Variants in ZNF730 observed in about 807,000 individuals in gnomAD.
ZNF730 encodes zinc finger protein 730.
In ZNF730, 12 loss-of-function variants were observed where a neutral mutation model predicts 12.6. The observed-to-expected ratio is 0.95, with a 90% CI of 0.61 to 1.54. The LOEUF (loss-of-function observed/expected upper bound fraction) is 1.54. Among genes scored for constraint, ZNF730 ranks in the 40% most tolerant of loss-of-function variants. The pLI, the probability that ZNF730 is intolerant of heterozygous loss-of-function variation, is 0.00. For missense variants in ZNF730, 643 were observed against 583.5 expected (o/e 1.10, Z -1.05); for synonymous variants, 194 against 195.8 (o/e 0.99, Z 0.08).
At chr19:23,100,630 CTTTTTTTTTTTT>C (rs201462781) in intron 1 of ZNF730, among the ~76,000 whole-genome samples, 635 of 117,944 alleles carry the variant, frequency 5.4e-3, no homozygotes, top group Non-Finnish European at 7.9e-3. Context: ...GATGGTGATT[CTTTTTTTTTTTT>C]TTTTTTTTTT....
chr19:23,146,803 C>G lies in ZNF730; in HGVS notation c.*247C>G, dbSNP rs1331640975. 1.1e-6 allele frequency: 1 copy of G among 921,314 alleles called. No homozygotes were observed. The highest frequency in any genetic ancestry group is 1.6e-5 in the African/African-American group (1 of 61,660). The allele number at this position is 921,314 out of a possible 1,614,324, so 57.1% of individuals were successfully genotyped here. A position where few individuals can be genotyped will look rare whatever the true frequency, so the allele number is the denominator to read the frequency against. On this transcript the variant is annotated 3_prime_UTR_variant, in exon 4 of 4. Transcript: ENST00000597761. ...AAGATAATTCATACTGGAGAGAAAC[C>G]CTACAAGTGTGAAGAATGTGACAAA...
chr19:23,095,354 T>TG, intron 1 of ZNF730: 1 of 398,736 alleles, frequency 2.5e-6, no homozygotes. Flanking sequence ...GACATATTGC[T>TG]GGGTCCAACA....
intron 1 of ZNF730, among the ~76,000 whole-genome samples, chr19:23,129,759 C>T (rs540021429): frequency 9.9e-5 from 15 of 151,872 alleles, no homozygotes; most frequent in East Asian, 1.9e-4. Context: ...TTTGGGAGGC[C>T]GAGACGGGTG....
intron 3 of ZNF730, among the ~76,000 whole-genome samples, chr19:23,142,228 A>G (rs924598099): frequency 6.6e-5 from 10 of 152,142 alleles, no homozygotes; most frequent in African/African-American, 2.4e-4. Context: ...GTTGCATAAT[A>G]TTATTTTGAC....
chr19:23,133,341 T>G (rs10413951), intron 1 of ZNF730, among the ~76,000 whole-genome samples: 134,152 of 152,044 alleles, frequency 0.88, 59,238 homozygotes, highest in South Asian at 0.93. Flanking sequence ...TTTTTGTTTT[T>G]TTTTTGTTTT....
intron 1 of ZNF730, among the ~76,000 whole-genome samples, chr19:23,125,311 TGGGCAACA>T (rs995949521): frequency 7.9e-5 from 12 of 152,290 alleles, no homozygotes; most frequent in African/African-American, 2.9e-4. Flanking sequence ...ACTTTGGAAC[TGGGCAACA>T]GGCAGAGGTT....
chr19:23,145,694 C>A lies in ZNF730; in HGVS notation c.650C>A (p.Thr217Asn). The A allele has an allele frequency of 6.4e-7, 1 of 1,555,874 alleles. No homozygotes were observed. ...GCCTTTAATGAGTCCTCAAACTGTA[C>A]TACACATAAAAGAATTACTGAGAAA... ...GKAFNESSNC[T>N]THKRITEKKP... The change falls in exon 4 of 4, where the codon ACT becomes AAT. Residue 217 changes from threonine to asparagine, a missense_variant. Thr to Asn is a moderately conservative substitution (Grantham distance 65). Coordinates refer to ENST00000597761, the MANE Select transcript of ZNF730 (RefSeq NM_001277403.2).
chr19:23,123,955 CT>C (rs900533801), intron 1 of ZNF730: 17 of 148,726 alleles, frequency 1.1e-4, no homozygotes, highest in South Asian at 4.3e-4. Context: ...TCTAGCAGTA[CT>C]TTTTTTTTTA....
intron 3 of ZNF730, among the ~76,000 whole-genome samples, chr19:23,138,795 G>C (rs2145682760): frequency 6.6e-6 from 1 of 152,206 alleles, no homozygotes; most frequent in South Asian, 2.1e-4. Context: ...TGAAATCTTT[G>C]CCTGAAGCAA....
upstream of ZNF730, among the ~76,000 whole-genome samples, chr19:23,115,135 CTAAAA>C (rs1472314870): frequency 9.6e-5 from 1 of 10,422 alleles, no homozygotes; most frequent in African/African-American, 1.7e-4. Context: ...GGGCACAAAT[CTAAAA>C]AAAAAAAAAA....
intron 1 of ZNF730, among the ~76,000 whole-genome samples, chr19:23,101,893 GT>G (rs1368392498): frequency 6.6e-6 from 1 of 152,172 alleles, no homozygotes; most frequent in African/African-American, 2.4e-5. Flanking sequence ...CCCAGATGAT[GT>G]GAGTTATTTT....
At chr19:23,115,136 TAAA>T (rs10716674), upstream of ZNF730, among the ~76,000 whole-genome samples, 1 of 147,012 alleles carries the variant, frequency 6.8e-6, no homozygotes, top group Admixed American at 6.8e-5. Flanking sequence ...GGCACAAATC[TAAA>T]AAAAAAAAAA....
intron 3 of ZNF730, among the ~76,000 whole-genome samples, chr19:23,136,571 A>T (rs1029331349): frequency 1.3e-5 from 2 of 152,098 alleles, no homozygotes; most frequent in Admixed American, 1.3e-4. Flanking sequence ...CACCCAGCAA[A>T]TTAAACTATT....
intron 1 of ZNF730, among the ~76,000 whole-genome samples, chr19:23,118,985 C>T (rs1157774288): frequency 6.6e-6 from 1 of 152,156 alleles, no homozygotes; most frequent in Non-Finnish European, 1.5e-5. Flanking sequence ...AAAGAATCAT[C>T]TGCAAACAGA....
exon 1 of ZNF730, chr19:23,075,323 TGTGATCTGCAG>T (rs1969836999): frequency 1.3e-5 from 2 of 154,006 alleles, no homozygotes; most frequent in East Asian, 3.8e-4. Flanking sequence ...TCTGTTGCCC[TGTGATCTGCAG>T]GTCCTGGGAG....
intron 1 of ZNF730, chr19:23,126,491 A>C (rs1970668864): frequency 1.4e-5 from 5 of 361,292 alleles, no homozygotes; most frequent in South Asian, 1.1e-4. Context: ...AGTGAGCATA[A>C]ATGCGTAACA....
intron 1 of ZNF730, among the ~76,000 whole-genome samples, chr19:23,075,987 T>C (rs541643184): frequency 1.3e-4 from 20 of 152,202 alleles, no homozygotes; most frequent in African/African-American, 4.6e-4. Flanking sequence ...TTTCCTGCTG[T>C]TTAATTATTT....
In ZNF730 at chr19:23,146,183, C is replaced by T; in HGVS notation, c.1139C>T (p.Ser380Phe). The change falls in exon 4 of 4, where the codon TCC (serine) becomes TTC (phenylalanine). Residue 380 changes from serine (S) to phenylalanine (F), a missense_variant. Transcript: ENST00000597761. The stretch of plus-strand genomic sequence containing the variant: ...GAATGTGGTAAAGCTTTTAACCAAT[C>T]CTCAACTCTTACTATACATAAGATA... ...YKECGKAFNQ[S>F]STLTIHKIIH... 6.2e-7 allele frequency: 1 copy of T among 1,608,808 alleles called. No homozygotes were observed. Among genetic ancestry groups the T allele is most frequent in the Non-Finnish European group, 8.5e-7 (1 of 1,177,260 alleles).
chr19:23,080,515 T>C (rs1199571829), intron 1 of ZNF730, among the ~76,000 whole-genome samples: 1 of 151,704 alleles, frequency 6.6e-6, no homozygotes, highest in Non-Finnish European at 1.5e-5. Context: ...GCTGGGATTA[T>C]AGGTGCGCAC....
Sources: allele counts gnomAD v4.1 joint callset (sites outside exome capture counted in the v4.1 genomes callset), GRCh38; gene constraint gnomAD v4.1.1; transcripts MANE v1.5; gene names NCBI Gene and HGNC (gene_info 2026-07-23, HGNC 2026-07-21).